LRMDA: variants seen among roughly 807,000 people sequenced by gnomAD.
LRMDA encodes leucine rich melanocyte differentiation associated.
LRMDA carries 18 observed loss-of-function variants against 29.8 expected under a neutral mutation model. The observed-to-expected ratio is 0.60, with a 90% confidence interval of 0.42 to 0.90. The LOEUF (loss-of-function observed/expected upper bound fraction) is 0.90. LRMDA is among the 40% of genes least tolerant of loss of function. LRMDA has a pLI of 0.00. For synonymous variants in LRMDA, 125 were observed against 109.4 expected, an observed-to-expected ratio of 1.14 and a Z score of -0.89; for missense variants, 273 against 273.9, an observed-to-expected ratio of 1.00 and a Z score of 0.02.
intron 2 of LRMDA, among the ~76,000 whole-genome samples, chr10:75,602,505 T>G (rs1326456275): frequency 6.6e-6 from 1 of 152,194 alleles, no homozygotes; most frequent in Non-Finnish European, 1.5e-5. Flanking sequence ...CTCCCCAAGG[T>G]CTAATACGGA....
At chr10:75,953,802 A>C (rs996171464) in intron 2 of LRMDA, among the ~76,000 whole-genome samples, 2 of 152,294 alleles carry the variant, frequency 1.3e-5, no homozygotes, top group African/African-American at 4.8e-5. Context: ...TGGCCCCCGC[A>C]GTATTCCTTG....
chr10:76,076,753 C>T (rs1848966912), intron 5 of LRMDA, among the ~76,000 whole-genome samples: 1 of 152,150 alleles, frequency 6.6e-6, no homozygotes, highest in African/African-American at 2.4e-5. Flanking sequence ...CTGGAGTCAT[C>T]AACCAATGCC....
chr10:75,450,153 C>T (rs2132030670), intron 2 of LRMDA: 2 of 152,302 alleles, frequency 1.3e-5, no homozygotes, highest in South Asian at 4.1e-4. Context: ...AAGGTTTCTT[C>T]CATCCCAGCT....
chr10:76,443,380 A>T (rs940091772), intron 6 of LRMDA, among the ~76,000 whole-genome samples: 2 of 152,196 alleles, frequency 1.3e-5, no homozygotes, highest in African/African-American at 4.8e-5. Context: ...CATCTTCGAG[A>T]TAATCCGAGC....
intron 2 of LRMDA, among the ~76,000 whole-genome samples, chr10:75,614,854 A>G (rs1841079239): frequency 6.6e-6 from 1 of 151,898 alleles, no homozygotes; most frequent in African/African-American, 2.4e-5. Flanking sequence ...CACCAGCAAG[A>G]TAGGAGGCAT....
At chr10:76,173,618 C>G (rs1850878337) in intron 5 of LRMDA, among the ~76,000 whole-genome samples, 1 of 152,142 alleles carries the variant, frequency 6.6e-6, no homozygotes, top group South Asian at 2.1e-4. Context: ...AAGATACAAA[C>G]TATCAAACTC....
chr10:75,536,035 C>T lies in LRMDA; in HGVS notation c.131+97541C>T, dbSNP rs1277676106. Among the ~76,000 whole-genome samples the T allele has an allele frequency of 3.3e-5, 5 of 152,184 alleles. No homozygotes were observed. In the East Asian group the frequency reaches 9.6e-4, roughly 29 times the overall value. Reference sequence around the variant, plus strand: ...GTGGGATGGAGGGGAAAGCCACCTCCTTATTGTCTGACCTGGCTGCTTGTC... The same window carrying T: ...GTGGGATGGAGGGGAAAGCCACCTCTTTATTGTCTGACCTGGCTGCTTGTC... On this transcript the variant is annotated intron_variant, in intron 2 of 6. Coordinates refer to ENST00000611255, the MANE Select transcript of LRMDA (RefSeq NM_001305581.2).
At chr10:75,459,160 G>T (rs1315780873) in intron 2 of LRMDA, among the ~76,000 whole-genome samples, 2 of 152,148 alleles carry the variant, frequency 1.3e-5, no homozygotes, top group Non-Finnish European at 2.9e-5. Context: ...AGTCAGATTG[G>T]CTAGGTGCAG....
chr10:76,555,249 G>A (rs1003103976), intron 6 of LRMDA, among the ~76,000 whole-genome samples: 4 of 152,092 alleles, frequency 2.6e-5, no homozygotes, highest in African/African-American at 4.8e-5. Flanking sequence ...AATTCAGCAC[G>A]ATAAAGGAAA....
At chr10:75,656,968 T>C (rs1036649345) in intron 2 of LRMDA, among the ~76,000 whole-genome samples, 8 of 152,220 alleles carry the variant, frequency 5.3e-5, no homozygotes. Context: ...AAGCATCATG[T>C]TCTGTTTCAA....
intron 2 of LRMDA, among the ~76,000 whole-genome samples, chr10:75,881,962 C>G (rs1001632748): frequency 1.8e-4 from 27 of 152,132 alleles, no homozygotes; most frequent in Admixed American, 1.6e-3. Flanking sequence ...TGTGGTGGGA[C>G]CTTGTTTGAC....
intron 2 of LRMDA, among the ~76,000 whole-genome samples, chr10:75,772,473 C>G (rs1843253484): frequency 6.6e-6 from 1 of 152,116 alleles, no homozygotes; most frequent in South Asian, 2.1e-4. Flanking sequence ...TTGCTTTGCA[C>G]CAGAGGCTTA....
At chr10:75,895,802 G>A (rs1845571594) in intron 2 of LRMDA, among the ~76,000 whole-genome samples, 1 of 152,192 alleles carries the variant, frequency 6.6e-6, no homozygotes, top group African/African-American at 2.4e-5. Flanking sequence ...TGGGAGAAGA[G>A]ATAGCATAGG....
chr10:75,929,160 C>T (rs1846168378), intron 2 of LRMDA, among the ~76,000 whole-genome samples: 2 of 152,194 alleles, frequency 1.3e-5, no homozygotes, highest in Middle Eastern at 3.4e-3. Context: ...GGGCAGTGCA[C>T]TAGATACAGC....
At chr10:76,288,003 C>T (rs1029480662) in intron 5 of LRMDA, among the ~76,000 whole-genome samples, 1 of 152,150 alleles carries the variant, frequency 6.6e-6, no homozygotes, top group African/African-American at 2.4e-5. Context: ...TATTTGAGTA[C>T]TGTCAAAAAC....
intron 6 of LRMDA, among the ~76,000 whole-genome samples, chr10:76,461,585 A>G (rs1459280336): frequency 6.6e-6 from 1 of 152,220 alleles, no homozygotes; most frequent in Non-Finnish European, 1.5e-5. Context: ...GAATGCAACA[A>G]GATTGCATAG....
intron 5 of LRMDA, among the ~76,000 whole-genome samples, chr10:76,154,734 A>G (rs1197210839): frequency 6.6e-6 from 1 of 152,224 alleles, no homozygotes; most frequent in Non-Finnish European, 1.5e-5. Context: ...ATTCAGCATC[A>G]AATAGTATAG....
intron 5 of LRMDA, among the ~76,000 whole-genome samples, chr10:76,120,410 A>T (rs1291719975): frequency 1.3e-5 from 2 of 151,742 alleles, no homozygotes; most frequent in African/African-American, 4.8e-5. Flanking sequence ...CTGGTCTCGA[A>T]CTCCTGACCT....
At chr10:75,469,170 A>G (rs1844695634) in intron 2 of LRMDA, among the ~76,000 whole-genome samples, 1 of 152,038 alleles carries the variant, frequency 6.6e-6, no homozygotes, top group African/African-American at 2.4e-5. Flanking sequence ...TAGAAACTCC[A>G]AGAAATCTGC....
Sources: gnomAD v4.1 joint callset for allele counts (sites outside exome capture counted in the v4.1 genomes callset) on GRCh38, gnomAD v4.1.1 for gene constraint, MANE v1.5 for transcripts, NCBI Gene and HGNC (gene_info 2026-07-23, HGNC 2026-07-21) for gene names.